The following CPEB3 variants were observed in gnomAD, a reference collection of about 807,000 sequenced individuals.
CPEB3 encodes the protein cytoplasmic polyadenylation element binding protein 3, also known as cytoplasmic polyadenylation element-binding protein 3.
Under a neutral mutation model 67.2 loss-of-function variants are expected in CPEB3, and 20 were observed. That is an observed-to-expected ratio of 0.30 (90% CI 0.21 to 0.43). The LOEUF (loss-of-function observed/expected upper bound fraction) is 0.43. Among genes scored for constraint, CPEB3 ranks in the 20% least tolerant of loss-of-function variants. The pLI, the probability that CPEB3 is intolerant of heterozygous loss-of-function variation, is 1.00. For missense variants in CPEB3, 746 were observed against 968.6 expected, an observed-to-expected ratio of 0.77 and a Z score of 3.05; for synonymous variants, 376 against 393.1, an observed-to-expected ratio of 0.96 and a Z score of 0.51.
At chr10:92,220,659 T>C (rs990234346) in intron 2 of CPEB3, among the ~76,000 whole-genome samples, 4 of 151,812 alleles carry the variant, frequency 2.6e-5, no homozygotes, top group African/African-American at 7.3e-5. Context: ...ACATAGACCA[T>C]CATGCTGAAA....
At chr10:92,262,254 A>G (rs1852836166) in intron 1 of CPEB3, among the ~76,000 whole-genome samples, 1 of 152,216 alleles carries the variant, frequency 6.6e-6, no homozygotes. Context: ...TATGGAGATG[A>G]TGTGTAAAAA....
intron 6 of CPEB3, among the ~76,000 whole-genome samples, chr10:92,111,814 T>A (rs1305085695): frequency 6.6e-6 from 1 of 152,218 alleles, no homozygotes; most frequent in Non-Finnish European, 1.5e-5. Flanking sequence ...GTATGGTATG[T>A]GAATGATATT....
At chr10:92,248,769 C>A (rs1261114492) in intron 1 of CPEB3, among the ~76,000 whole-genome samples, 2 of 152,192 alleles carry the variant, frequency 1.3e-5, no homozygotes, top group Admixed American at 1.3e-4. Context: ...CGCCCTTCCA[C>A]AGAAATTGTT....
chr10:92,169,090 C>T (rs760851965), intron 4 of CPEB3, among the ~76,000 whole-genome samples: 3 of 151,552 alleles, frequency 2.0e-5, no homozygotes, highest in Non-Finnish European at 2.9e-5. Flanking sequence ...GCTAACCGTG[C>T]CTGGCCTAAA....
Position 92,240,189 on chromosome 10 carries a change from C to T in CPEB3, c.162G>A (p.Pro54=). 2 of 1,522,708 alleles carry T rather than the reference C, an allele frequency of 1.3e-6. No individual in the cohort carries two copies. The highest frequency in any genetic ancestry group is 1.8e-6 in the Non-Finnish European group (2 of 1,133,000). 94.3% of individuals were successfully genotyped at this position (1,522,708 alleles called of 1,614,324 possible). A position where few individuals can be genotyped will look rare whatever the true frequency, so the allele number is the denominator to read the frequency against. The change falls in exon 2 of 10, where the codon CCG becomes CCA. Residue 54 remains proline (P), a synonymous_variant. Coordinates refer to ENST00000265997, the MANE Select transcript of CPEB3 (RefSeq NM_014912.5). The part of the protein sequence containing the change: ...TPKPEENSAV[P]ALSPAAAPPA... ...GGGGGGCAGCGGCTGGGCTGAGGGC[C>T]GGCACTGCGCTGTTTTCCTCCGGCT...
At chr10:92,273,043 A>G (rs1466122727) in intron 1 of CPEB3, among the ~76,000 whole-genome samples, 1 of 152,180 alleles carries the variant, frequency 6.6e-6, no homozygotes, top group African/African-American at 2.4e-5. Flanking sequence ...GGTGGATTTG[A>G]GAGATATTTA....
At chr10:92,076,015 C>T (rs1842919602) in intron 9 of CPEB3, among the ~76,000 whole-genome samples, 1 of 152,220 alleles carries the variant, frequency 6.6e-6, no homozygotes, top group Non-Finnish European at 1.5e-5. Context: ...TGTTCCAACA[C>T]TTAATGAATT....
chr10:92,069,010 A>G (rs1842655653), intron 9 of CPEB3, among the ~76,000 whole-genome samples: 1 of 152,212 alleles, frequency 6.6e-6, no homozygotes, highest in Admixed American at 6.5e-5. Context: ...AAGAGCAGCA[A>G]GATAAAGGCT....
intron 4 of CPEB3, 94 bp from the exon 5 acceptor site, chr10:92,145,179 G>T: frequency 7.1e-7 from 1 of 1,408,524 alleles, no homozygotes; most frequent in Non-Finnish European, 9.9e-7. Context: ...TCTATTAGAA[G>T]CCCGAAGTGC....
chr10:92,067,688 C>A (rs761211382), intron 9 of CPEB3, among the ~76,000 whole-genome samples: 2 of 151,386 alleles, frequency 1.3e-5, no homozygotes, highest in Non-Finnish European at 2.9e-5. Flanking sequence ...CGTGGTGGCA[C>A]GTGCCTGTAA....
chr10:92,190,286 C>G (rs755089689), intron 3 of CPEB3, among the ~76,000 whole-genome samples: 12 of 148,860 alleles, frequency 8.1e-5, no homozygotes, highest in Non-Finnish European at 1.8e-4. Context: ...CTCAAAAAAA[C>G]CAACAAAAAT....
At chr10:92,100,266 GT>G (rs1330074202) in intron 7 of CPEB3, among the ~76,000 whole-genome samples, 2 of 151,452 alleles carry the variant, frequency 1.3e-5, no homozygotes, top group Admixed American at 6.6e-5. Context: ...GAAAACATAG[GT>G]TTTTTTTTGT....
rs555408007 is a variant in CPEB3, at chr10:92,102,634, C to A, written c.1572+8442G>T. Among the ~76,000 whole-genome samples, 4 of 152,338 alleles carry A rather than the reference C, an allele frequency of 2.6e-5. No homozygotes were observed. In the South Asian group the frequency reaches 8.3e-4, roughly 32 times the overall value. On this transcript the variant is annotated intron_variant, in intron 7 of 9. Transcript: ENST00000265997. ...AAGGGCACTCAGTGCAGAAATACAG[C>A]ATGCATAAACTGCCCCATGAAAATG...
Position 92,052,087 on chromosome 10 carries a change from A to G in CPEB3, c.*125T>C, listed in dbSNP as rs1841914056. 1.6e-6 allele frequency: 1 copy of G among 620,410 alleles called. No individual in the cohort carries two copies. Among genetic ancestry groups the G allele is most frequent in the South Asian group, 2.1e-5 (1 of 48,518 alleles). 38.4% of individuals were successfully genotyped at this position (620,410 alleles called of 1,614,324 possible). A position where few individuals can be genotyped will look rare whatever the true frequency, so the allele number is the denominator to read the frequency against. ...AATAATAATAATAATAAAAAGACCC[A>G]ATTCTTCTTTAAAAATCGAGAACGA... On this transcript the variant is annotated 3_prime_UTR_variant, in exon 10 of 10. Transcript: ENST00000265997.
At chr10:92,155,665 TTC>T (rs1447321407) in intron 4 of CPEB3, among the ~76,000 whole-genome samples, 2 of 152,212 alleles carry the variant, frequency 1.3e-5, no homozygotes, top group African/African-American at 4.8e-5. Context: ...GCATTTGCAC[TTC>T]TCTCTGTCTC....
intron 9 of CPEB3, among the ~76,000 whole-genome samples, chr10:92,061,419 C>CA (rs148327302): frequency 0.07 from 6,437 of 92,500 alleles, 383 homozygotes; most frequent in African/African-American, 0.16. Flanking sequence ...AATTCTGTCT[C>CA]AAAAAAAAAA....
At chr10:92,152,731 T>G (rs1847020646) in intron 4 of CPEB3, among the ~76,000 whole-genome samples, 1 of 152,200 alleles carries the variant, frequency 6.6e-6, no homozygotes, top group African/African-American at 2.4e-5. Flanking sequence ...ATCCTTTCAG[T>G]TTGTTTAAAT....
intron 4 of CPEB3, among the ~76,000 whole-genome samples, chr10:92,148,932 G>A (rs1404189730): frequency 1.5e-5 from 2 of 134,774 alleles, no homozygotes; most frequent in African/African-American, 5.6e-5. Flanking sequence ...ACAGAGTCTC[G>A]CTCTGTCACC....
chr10:92,264,903 A>C (rs377332348), intron 1 of CPEB3, among the ~76,000 whole-genome samples: 1 of 151,970 alleles, frequency 6.6e-6, no homozygotes, highest in African/African-American at 2.4e-5. Context: ...ATGTGGCTCA[A>C]TCCTGTAATC....
Sources: allele counts gnomAD v4.1 joint callset (sites outside exome capture counted in the v4.1 genomes callset), GRCh38; gene constraint gnomAD v4.1.1; transcripts MANE v1.5; gene names NCBI Gene and HGNC (gene_info 2026-07-23, HGNC 2026-07-21).